GALNT13: variants seen among roughly 807,000 people sequenced by gnomAD.
The protein encoded by GALNT13 is polypeptide N-acetylgalactosaminyltransferase 13.
A neutral mutation model predicts 64.2 loss-of-function variants in GALNT13; 28 were observed. The ratio of observed to expected loss-of-function variants is 0.44; its 90% CI spans 0.32 to 0.60. The LOEUF is 0.60. Ranked by LOEUF, GALNT13 falls within the 20% of genes least tolerant of loss-of-function variation. The pLI is 0.05. For missense variants in GALNT13, 577 were observed against 669.8 expected (o/e 0.86, Z 1.53); for synonymous variants, 214 against 224.6 (o/e 0.95, Z 0.42).
intron 2 of GALNT13, among the ~76,000 whole-genome samples, chr2:153,908,404 A>G (rs1688723388): frequency 6.6e-6 from 1 of 151,946 alleles, no homozygotes. Context: ...GTTAGATCCC[A>G]TTTGTCAATT....
intron 4 of GALNT13, among the ~76,000 whole-genome samples, chr2:154,231,747 A>C (rs1176916703): frequency 6.8e-6 from 1 of 147,454 alleles, no homozygotes; most frequent in Non-Finnish European, 1.5e-5. Flanking sequence ...GTGCAAAAGT[A>C]ATCGCAGTTT....
At chr2:153,132,528 G>A in the GALNT13 span, among the ~76,000 whole-genome samples, 2 of 152,256 alleles carry the variant, frequency 1.3e-5, no homozygotes, top group African/African-American at 4.8e-5. Context: ...GATAGTGGGA[G>A]AGAAAATGAA....
Position 154,242,839 on chromosome 2 carries a change from T to C in GALNT13, c.620T>C (p.Leu207Pro), listed in dbSNP as rs2105871810. 1 of 1,614,194 alleles carries C rather than the reference T, an allele frequency of 6.2e-7. No individual in the cohort carries two copies. The highest frequency in any genetic ancestry group is 1.1e-5 in the South Asian group (1 of 91,088). Residue 207 changes from leucine (L) to proline (P), a missense_variant, in exon 6 of 13, where the codon CTT becomes CCT. Physicochemically the swap from Leu to Pro is moderately conservative, Grantham distance 98. This residue lies in a region of GALNT13 where 341 missense variants were observed against 379.3 expected (regional missense o/e 0.90). Coordinates refer to ENST00000392825, the MANE Select transcript of GALNT13 (RefSeq NM_052917.4). ...TCAAAAGGGCAGGTCATAACTTTTC[T>C]TGATGCACACTGTGAATGCACGTTA... The part of the protein sequence containing the change: ...AASKGQVITF[L>P]DAHCECTLGW...
intron 9 of GALNT13, among the ~76,000 whole-genome samples, chr2:154,342,940 G>A (rs1452258795): frequency 6.6e-6 from 1 of 151,880 alleles, no homozygotes; most frequent in Admixed American, 6.6e-5. Context: ...TAAGCTCACT[G>A]TTCTTAGTAC....
At chr2:153,471,296 C>A in the GALNT13 span, among the ~76,000 whole-genome samples, 1 of 152,094 alleles carries the variant, frequency 6.6e-6, no homozygotes, top group African/African-American at 2.4e-5. Flanking sequence ...AGTGCAGAGT[C>A]ATGACTATAA....
intron 2 of GALNT13, among the ~76,000 whole-genome samples, chr2:153,901,696 T>G (rs181424333): frequency 6.6e-6 from 1 of 152,280 alleles, no homozygotes; most frequent in Non-Finnish European, 1.5e-5. Context: ...ATTTTGTGAC[T>G]GAATTTCAAA....
chr2:153,829,281 G>A, the GALNT13 span, among the ~76,000 whole-genome samples: 4 of 151,978 alleles, frequency 2.6e-5, no homozygotes, highest in South Asian at 2.1e-4. Context: ...TTTTCACACT[G>A]TGGATAAAGG....
chr2:153,722,230 G>T, the GALNT13 span, among the ~76,000 whole-genome samples: 22 of 146,868 alleles, frequency 1.5e-4, no homozygotes, highest in Non-Finnish European at 2.7e-4. Flanking sequence ...CGAAATGAAG[G>T]CAGAAATAAA....
chr2:153,951,048 C>T (rs1307598429), intron 3 of GALNT13, among the ~76,000 whole-genome samples: 2 of 151,824 alleles, frequency 1.3e-5, no homozygotes, highest in South Asian at 2.1e-4. Context: ...TACAACAAAA[C>T]TTTACAAAAG....
At chr2:153,207,328 A>G in the GALNT13 span, among the ~76,000 whole-genome samples, 1 of 152,094 alleles carries the variant, frequency 6.6e-6, no homozygotes, top group South Asian at 2.1e-4. Flanking sequence ...GATTATGTGC[A>G]TGTGTATGTG....
At chr2:154,113,503 A>G (rs919931312) in intron 3 of GALNT13, among the ~76,000 whole-genome samples, 8 of 152,206 alleles carry the variant, frequency 5.3e-5, no homozygotes, top group Admixed American at 5.2e-4. Flanking sequence ...AGGAGGGGCC[A>G]AATGCAGCAA....
chr2:153,169,997 T>C, the GALNT13 span, among the ~76,000 whole-genome samples: 4 of 152,178 alleles, frequency 2.6e-5, no homozygotes, highest in Non-Finnish European at 5.9e-5. Context: ...CAACTAATCT[T>C]CATGTTTAAG....
chr2:153,117,601 A>G, the GALNT13 span, among the ~76,000 whole-genome samples: 1 of 152,218 alleles, frequency 6.6e-6, no homozygotes, highest in Non-Finnish European at 1.5e-5. Context: ...TTGAGGTAGC[A>G]TGGTGTCATC....
chr2:153,766,879 G>T, the GALNT13 span, among the ~76,000 whole-genome samples: 1 of 150,142 alleles, frequency 6.7e-6, no homozygotes, highest in South Asian at 2.1e-4. Context: ...ATTTCTTTAG[G>T]GTCCATTATC....
the GALNT13 span, among the ~76,000 whole-genome samples, chr2:153,126,184 A>G: frequency 3.0e-4 from 45 of 151,712 alleles, no homozygotes; most frequent in Non-Finnish European, 6.3e-4. Flanking sequence ...TAAGGCATGG[A>G]CAGTAACTTG....
At chr2:153,460,991 A>G in the GALNT13 span, among the ~76,000 whole-genome samples, 27 of 152,180 alleles carry the variant, frequency 1.8e-4, no homozygotes, top group African/African-American at 6.3e-4. Context: ...GAAAAAATTC[A>G]CTGTTTACAT....
the GALNT13 span, among the ~76,000 whole-genome samples, chr2:153,627,995 C>T: frequency 6.6e-6 from 1 of 152,074 alleles, no homozygotes; most frequent in African/African-American, 2.4e-5. Context: ...ATGGAATGTT[C>T]TTCCATTTGT....
the GALNT13 span, among the ~76,000 whole-genome samples, chr2:153,242,979 G>A: frequency 2.5e-4 from 38 of 152,202 alleles, no homozygotes; most frequent in Non-Finnish European, 3.4e-4. Context: ...ATTACTTTGC[G>A]TTATGGGAGA....
At chr2:153,430,926 C>T in the GALNT13 span, among the ~76,000 whole-genome samples, 69 of 151,616 alleles carry the variant, frequency 4.6e-4, 1 homozygote, top group African/African-American at 1.5e-3. Flanking sequence ...CTGAGGTGGG[C>T]GGATCACAAG....
Sources: gnomAD v4.1 joint callset for allele counts (sites outside exome capture counted in the v4.1 genomes callset) on GRCh38, gnomAD v4.1.1 for gene constraint, gnomAD v4.1.1 regional missense constraint, MANE v1.5 for transcripts, NCBI Gene and HGNC (gene_info 2026-07-23, HGNC 2026-07-21) for gene names.